Variants in SLC6A15 observed in about 807,000 individuals in gnomAD.
SLC6A15 encodes the protein sodium-dependent neutral amino acid transporter B(0)AT2.
Under a neutral mutation model 68.5 loss-of-function variants are expected in SLC6A15, and 33 were observed. That is an observed-to-expected ratio of 0.48 (90% CI 0.37 to 0.64). The LOEUF is 0.64. Among genes scored for constraint, SLC6A15 ranks in the 30% least tolerant of loss-of-function variants. The pLI, the probability that SLC6A15 is intolerant of heterozygous loss-of-function variation, is 0.00. For missense variants in SLC6A15, 747 were observed against 874.3 expected (o/e 0.85, Z 1.84); for synonymous variants, 347 against 301.0 (o/e 1.15, Z -1.58).
At chr12:84,889,931 CT>C (rs11296568) in intron 2 of SLC6A15, among the ~76,000 whole-genome samples, 74,955 of 152,000 alleles carry the variant, frequency 0.49, 21,441 homozygotes, top group African/African-American at 0.78. Flanking sequence ...GGCAAATAAA[CT>C]TTATATTGAC....
At chr12:84,862,378 C>T (rs575716529) in intron 11 of SLC6A15, among the ~76,000 whole-genome samples, 114 of 152,212 alleles carry the variant, frequency 7.5e-4, no homozygotes, top group Non-Finnish European at 1.4e-3. Flanking sequence ...AAATCAATGT[C>T]GCTCTTAGCC....
intron 6 of SLC6A15, among the ~76,000 whole-genome samples, 177 bp downstream of exon 6, chr12:84,876,320 A>G (rs917449748): frequency 6.6e-6 from 1 of 152,134 alleles, no homozygotes; most frequent in Non-Finnish European, 1.5e-5. Flanking sequence ...ATGGAGATAA[A>G]TGGCTATAAT....
At chr12:84,903,409 C>G (rs1872979417) in intron 1 of SLC6A15, among the ~76,000 whole-genome samples, 1 of 151,904 alleles carries the variant, frequency 6.6e-6, no homozygotes, top group Admixed American at 6.6e-5. Context: ...ATAAAATATA[C>G]TAATATGCCC....
At chr12:84,911,999 C>T (rs548582636) in intron 1 of SLC6A15, 1 of 152,216 alleles carries the variant, frequency 6.6e-6, no homozygotes, top group South Asian at 2.1e-4. Flanking sequence ...CGCCTTCTGC[C>T]TTTGCTAAAG....
chr12:84,911,126 C>T (rs955954333), intron 1 of SLC6A15, among the ~76,000 whole-genome samples: 10 of 152,124 alleles, frequency 6.6e-5, no homozygotes, highest in Non-Finnish European at 1.5e-4. Context: ...GGGTGAGGGG[C>T]TTGTTGGGGC....
At chr12:84,870,192 C>A (rs1871225864) in intron 9 of SLC6A15, among the ~76,000 whole-genome samples, 1 of 151,034 alleles carries the variant, frequency 6.6e-6, no homozygotes, top group Non-Finnish European at 1.5e-5. Flanking sequence ...TAGTGTCAGT[C>A]ATTCTTGATA....
At chr12:84,885,384 G>A (rs1403492147) in intron 4 of SLC6A15, 51 bp downstream of exon 4, 1 of 1,438,188 alleles carries the variant, frequency 7.0e-7, no homozygotes, top group African/African-American at 1.5e-5. Flanking sequence ...TTGTACCTTT[G>A]CCACTCTTAT....
intron 8 of SLC6A15, 51 bp downstream of exon 8, chr12:84,872,551 A>G (rs1257042001): frequency 1.3e-6 from 2 of 1,490,566 alleles, no homozygotes; most frequent in African/African-American, 1.4e-5. Context: ...TGGATAATGC[A>G]TATTTCAAGT....
intron 1 of SLC6A15, among the ~76,000 whole-genome samples, chr12:84,895,148 A>C (rs1029646671): frequency 6.6e-6 from 1 of 151,920 alleles, no homozygotes; most frequent in Non-Finnish European, 1.5e-5. Flanking sequence ...TTAACATTAA[A>C]ATATTCACAA....
intron 4 of SLC6A15, 43 bp from the exon 5 acceptor site, chr12:84,884,083 G>C: frequency 6.6e-7 from 1 of 1,507,164 alleles, no homozygotes; most frequent in South Asian, 1.2e-5. Context: ...AGAATATAAA[G>C]AGCAATGCGA....
intron 9 of SLC6A15, among the ~76,000 whole-genome samples, chr12:84,869,873 CTT>C (rs1871214276): frequency 6.6e-6 from 1 of 151,972 alleles, no homozygotes; most frequent in Non-Finnish European, 1.5e-5. Flanking sequence ...TTGTATATCT[CTT>C]ATAATTTATT....
intron 5 of SLC6A15, among the ~76,000 whole-genome samples, chr12:84,880,009 A>G (rs180801717): frequency 1.2e-4 from 18 of 152,284 alleles, no homozygotes; most frequent in African/African-American, 4.1e-4. Flanking sequence ...AGACATTTCA[A>G]TTTTCATTTA....
intron 5 of SLC6A15, chr12:84,882,309 C>T: frequency 1.0e-6 from 1 of 985,242 alleles, no homozygotes; most frequent in South Asian, 4.7e-5. Flanking sequence ...GTGGCTCTGA[C>T]ATAGTGGAAG....
intron 1 of SLC6A15, among the ~76,000 whole-genome samples, chr12:84,903,767 G>C (rs900955348): frequency 6.6e-6 from 1 of 151,990 alleles, no homozygotes; most frequent in East Asian, 1.9e-4. Flanking sequence ...TGGATCTTCC[G>C]AAATCATATC....
At chr12:84,883,778 G>C (rs748963863) in intron 5 of SLC6A15, 81 bp downstream of exon 5, 1 of 1,613,706 alleles carries the variant, frequency 6.2e-7, no homozygotes, top group South Asian at 1.1e-5. Context: ...TTTGCCCACA[G>C]AAATCTGTAA....
Position 84,861,956 on chromosome 12 carries a change from G to C in SLC6A15, c.1869C>G (p.Val623=). The stretch of plus-strand genomic sequence containing the variant: ...GGAGTATTGCAAAGACAACCAGAGA[G>C]ACACAAACAACCAGTCCCCATGTTG... ...SYPTWGLVVC[V]SLVVFAILPV... Residue 623 remains valine (V), a synonymous_variant, in exon 12 of 12, where the codon GTC becomes GTG. Coordinates refer to ENST00000266682, the MANE Select transcript of SLC6A15 (RefSeq NM_182767.6). The C allele has an allele frequency of 6.2e-7, 1 of 1,613,214 alleles. No individual in the cohort carries two copies. Among genetic ancestry groups the C allele is most frequent in the South Asian group, 1.1e-5 (1 of 90,984 alleles).
At chr12:84,870,383 A>C in intron 9 of SLC6A15, 95 bp downstream of exon 9, 1 of 737,330 alleles carries the variant, frequency 1.4e-6, no homozygotes, top group Non-Finnish European at 2.0e-6. Flanking sequence ...AATAAAACTC[A>C]AAATATAAGA....
Position 84,912,244 on chromosome 12 carries a change from G to T in SLC6A15, c.-189+279C>A, listed in dbSNP as rs546167970. Among the ~76,000 whole-genome samples the T allele has an allele frequency of 7.9e-5, 12 of 152,244 alleles. No homozygotes were observed. In the East Asian group the frequency reaches 2.3e-3, roughly 30 times the overall value. Reference sequence around the variant, plus strand: ...TCCACGACGGGAAGAAAGGATGGCGGCACGTTTCAACCCATGTGCTTCCCC... The same window carrying T: ...TCCACGACGGGAAGAAAGGATGGCGTCACGTTTCAACCCATGTGCTTCCCC... On this transcript the variant is annotated intron_variant, in intron 1 of 11. Transcript: ENST00000266682.
Position 84,892,016 on chromosome 12 carries a change from C to T in SLC6A15, c.105G>A (p.Lys35=), listed in dbSNP as rs1291850243. Reference sequence around the variant, plus strand: ...GGCCATCAACAATTAGTTCACTTGTCTTAAAAGCATCATCAGCTGCGTCTT... The same window carrying T: ...GGCCATCAACAATTAGTTCACTTGTTTTAAAAGCATCATCAGCTGCGTCTT... The part of the protein sequence containing the change: ...SNEDAADDAF[K]TSELIVDGQE... Residue 35 remains lysine (K), a synonymous_variant, in exon 2 of 12, where the codon AAG becomes AAA. Transcript: ENST00000266682. The T allele has an allele frequency of 1.9e-6, 3 of 1,613,950 alleles. No individual in the cohort carries two copies. The highest frequency in any genetic ancestry group is 1.1e-5 in the South Asian group (1 of 91,076).
Sources: gnomAD v4.1 joint callset for allele counts (sites outside exome capture counted in the v4.1 genomes callset) on GRCh38, gnomAD v4.1.1 for gene constraint, MANE v1.5 for transcripts, NCBI Gene and HGNC (gene_info 2026-07-23, HGNC 2026-07-21) for gene names.